TP53I13: variants seen among roughly 807,000 people sequenced by gnomAD.
TP53I13 encodes tumor protein p53 inducible protein 13, also known as tumor protein p53-inducible protein 13.
A neutral mutation model predicts 39.1 loss-of-function variants in TP53I13; 27 were observed. The observed-to-expected ratio is 0.69, with a 90% confidence interval of 0.51 to 0.95. The LOEUF (loss-of-function observed/expected upper bound fraction) is 0.95. TP53I13 is among the 40% of genes least tolerant of loss of function. TP53I13 has a pLI of 0.00. For synonymous variants in TP53I13, 230 were observed against 224.6 expected, an observed-to-expected ratio of 1.02 and a Z score of -0.22; for missense variants, 544 against 520.4, an observed-to-expected ratio of 1.05 and a Z score of -0.44.
At chr17:29,578,193 A>G in the TP53I13 span, 41 of 925,450 alleles carry the variant, frequency 4.4e-5, no homozygotes, top group Non-Finnish European at 2.1e-5. Context: ...CAGGCCTCTG[A>G]GCAGCCCCAA....
chr17:29,580,880 A>C, the TP53I13 span, among the ~76,000 whole-genome samples: 15 of 151,512 alleles, frequency 9.9e-5, no homozygotes, highest in Non-Finnish European at 4.4e-5. Flanking sequence ...TCCTGTGTTC[A>C]AGCGATTCTC....
chr17:29,571,010 C>T (rs1406999116), intron 3 of TP53I13: 2 of 152,602 alleles, frequency 1.3e-5, no homozygotes, highest in African/African-American at 4.8e-5. Context: ...TATTAGTTTG[C>T]TGTTTTATTT....
chr17:29,569,150 C>T (rs1197808742), intron 2 of TP53I13, 64 bp downstream of exon 2: 3 of 1,521,132 alleles, frequency 2.0e-6, no homozygotes, highest in Non-Finnish European at 2.7e-6. Context: ...CCGCTCTGTT[C>T]TCGCCGCACC....
chr17:29,575,562 T>G, downstream of TP53I13: 1 of 1,566,470 alleles, frequency 6.4e-7, no homozygotes, highest in Non-Finnish European at 8.7e-7. The surrounding 1 kb of genome is among the most constrained non-coding windows in gnomAD (Gnocchi z 5.5). Context: ...CCTCACACAC[T>G]GGGGGCCCTC....
At chr17:29,575,558 A>C (rs2033162690), downstream of TP53I13, 47 of 1,561,064 alleles carry the variant, frequency 3.0e-5, no homozygotes, top group Non-Finnish European at 4.1e-5. The surrounding 1 kb of genome is among the most constrained non-coding windows in gnomAD (Gnocchi z 5.5). Flanking sequence ...TGGTCCTCAC[A>C]CACTGGGGGC....
the TP53I13 span, chr17:29,578,582 A>T: frequency 1.2e-6 from 1 of 858,962 alleles, no homozygotes; most frequent in East Asian, 2.4e-5. Flanking sequence ...TAGGGAGGTC[A>T]GGGAGAGGGG....
downstream of TP53I13, chr17:29,577,021 G>C: frequency 6.2e-7 from 1 of 1,604,936 alleles, no homozygotes. Context: ...GTGTCACTCA[G>C]GCCACACTCC....
chr17:29,575,945 C>T, downstream of TP53I13: 1 of 1,542,674 alleles, frequency 6.5e-7, no homozygotes, highest in Admixed American at 1.7e-5. This position sits in a 1 kb window ranked among gnomAD's most constrained non-coding sequence, Gnocchi z 5.5. Flanking sequence ...CCCCACTGCC[C>T]CCCTGCTCAC....
chr17:29,569,745 C>A lies in TP53I13; in HGVS notation c.183+386C>A, dbSNP rs188522237. 3.2e-5 allele frequency: 7 copies of A among 221,564 alleles called. No individual in the cohort carries two copies. In the East Asian group the frequency reaches 7.5e-4, roughly 24 times the overall value. 13.7% of individuals were successfully genotyped at this position (221,564 alleles called of 1,614,324 possible). A position where few individuals can be genotyped will look rare whatever the true frequency, so the allele number is the denominator to read the frequency against. On this transcript the variant is annotated intron_variant, in intron 3 of 6. Transcript: ENST00000301057. ...CTTTCTGTAGGAGAGGGTATTAATT[C>A]TGTCTCTACCTGTGAGCAGCGAGGG...
chr17:29,567,954 G>C (rs1439538771), upstream of TP53I13: 1 of 152,038 alleles, frequency 6.6e-6, no homozygotes, highest in Non-Finnish European at 1.5e-5. This position sits in a 1 kb window ranked among gnomAD's most constrained non-coding sequence, Gnocchi z 6.6. Flanking sequence ...CCGCTGCGGG[G>C]CGGGCCGGCC....
chr17:29,572,792 G>A lies in TP53I13; in HGVS notation c.1070-20G>A. On this transcript the variant is annotated intron_variant, in intron 6 of 6. Coordinates refer to ENST00000301057, the MANE Select transcript of TP53I13 (RefSeq NM_138349.4). The stretch of plus-strand genomic sequence containing the variant: ...CTTCCCTGCCCTCCCGCCCTTGACT[G>A]CTCGGCGCCCGGCCCACAGCTGTGC... 2 of 1,515,680 alleles carry A rather than the reference G, an allele frequency of 1.3e-6. No homozygotes were observed. The highest frequency in any genetic ancestry group is 2.3e-4 in the Middle Eastern group (1 of 4,346). 93.9% of individuals were successfully genotyped at this position (1,515,680 alleles called of 1,614,324 possible).
chr17:29,572,461 C>A lies in TP53I13; in HGVS notation c.833C>A (p.Pro278Gln). The A allele has an allele frequency of 6.3e-7, 1 of 1,584,672 alleles. No individual in the cohort carries two copies. Among genetic ancestry groups the A allele is most frequent in the South Asian group, 1.1e-5 (1 of 87,412 alleles). ...EAQVPNGQGS[P>Q]GGCVCSSQAS... ...CAGGTGCCCAACGGGCAAGGCAGCC[C>A]AGGGGGCTGTGTCTGTTCAAGTCAG... Residue 278 changes from proline (P) to glutamine (Q), a missense_variant, in exon 6 of 7, where the codon CCA becomes CAA. Physicochemically the swap from Pro to Gln is moderately conservative, Grantham distance 76. Coordinates refer to ENST00000301057, the MANE Select transcript of TP53I13 (RefSeq NM_138349.4).
At chr17:29,573,260 A>G (rs572580968), downstream of TP53I13, 3 of 255,462 alleles carry the variant, frequency 1.2e-5, no homozygotes, top group Non-Finnish European at 2.2e-5. Context: ...CCGCTGGCCA[A>G]CCTGTCCCTG....
At chr17:29,578,719 G>T in the TP53I13 span, 1 of 1,610,926 alleles carries the variant, frequency 6.2e-7, no homozygotes, top group South Asian at 1.1e-5. Context: ...GGCACTGTTG[G>T]AGCAGACTTA....
At chr17:29,575,530 C>A (rs1015595106), downstream of TP53I13, 40 of 1,565,632 alleles carry the variant, frequency 2.6e-5, no homozygotes, top group Non-Finnish European at 3.3e-5. This position sits in a 1 kb window ranked among gnomAD's most constrained non-coding sequence, Gnocchi z 5.5. Context: ...CACGTTCCAG[C>A]CTCGGAGCCG....
At chr17:29,570,019 T>C (rs1026616538) in intron 3 of TP53I13, 6 of 151,958 alleles carry the variant, frequency 3.9e-5, no homozygotes, top group Non-Finnish European at 2.9e-5. Flanking sequence ...GCAATTCTTA[T>C]GCCACAGCCT....
In TP53I13 at chr17:29,572,444, C is replaced by T. The variant is rs771833052; in HGVS notation, c.816C>T (p.Pro272=). 6.3e-7 allele frequency: 1 copy of T among 1,578,352 alleles called. No homozygotes were observed. The highest frequency in any genetic ancestry group is 1.8e-5 in the Admixed American group (1 of 57,140). The change falls in exon 6 of 7, where the codon CCC becomes CCT. Residue 272 remains proline (P), a synonymous_variant. Transcript: ENST00000301057. ...GCTCCAGGACAGAGGCTCAGGTGCC[C>T]AACGGGCAAGGCAGCCCAGGGGGCT... ...NASSRTEAQV[P]NGQGSPGGCV...
intron 3 of TP53I13, chr17:29,569,644 G>C (rs907417395): frequency 6.5e-5 from 22 of 336,060 alleles, no homozygotes; most frequent in African/African-American, 2.9e-4. Context: ...AACTCTCTCT[G>C]AGAGTAGCTG....
At chr17:29,572,091 C>T (rs535304874) in intron 5 of TP53I13, 34 bp downstream of exon 5, 44 of 1,611,758 alleles carry the variant, frequency 2.7e-5, no homozygotes, top group East Asian at 1.3e-4. Flanking sequence ...TGTTGGCCCT[C>T]GGGTTCTCTG....
Sources: gnomAD v4.1 joint callset for allele counts (sites outside exome capture counted in the v4.1 genomes callset) on GRCh38, gnomAD v4.1.1 for gene constraint, Gnocchi (gnomAD v3.1) non-coding constraint, MANE v1.5 for transcripts, NCBI Gene and HGNC (gene_info 2026-07-23, HGNC 2026-07-21) for gene names.